The following CLYBL variants were observed in gnomAD, a reference collection of about 807,000 sequenced individuals.
CLYBL encodes the protein citramalyl-CoA lyase.
In CLYBL, 31 loss-of-function variants were observed where a neutral mutation model predicts 38.9. That is an observed-to-expected ratio of 0.80 (90% CI 0.60 to 1.08). CLYBL has a LOEUF of 1.08. Ranked by LOEUF, CLYBL falls within the 50% of genes least tolerant of loss-of-function variation. The pLI is 0.00. For missense variants in CLYBL, 434 were observed against 411.6 expected, an observed-to-expected ratio of 1.05 and a Z score of -0.47; for synonymous variants, 171 against 158.6, an observed-to-expected ratio of 1.08 and a Z score of -0.59.
At chr13:99,770,525 G>A (rs952565823) in intron 1 of CLYBL, among the ~76,000 whole-genome samples, 1 of 152,084 alleles carries the variant, frequency 6.6e-6, no homozygotes, top group African/African-American at 2.4e-5. Flanking sequence ...CACTGTGTTA[G>A]CGAGGATATT....
intron 1 of CLYBL, among the ~76,000 whole-genome samples, chr13:99,735,601 A>C (rs2048654128): frequency 6.6e-6 from 1 of 152,116 alleles, no homozygotes; most frequent in African/African-American, 2.4e-5. Context: ...TTAATTGTAC[A>C]GTTGTGAAAT....
At chr13:99,826,264 A>C (rs906918394) in intron 2 of CLYBL, among the ~76,000 whole-genome samples, 8 of 152,308 alleles carry the variant, frequency 5.3e-5, no homozygotes, top group African/African-American at 1.9e-4. Flanking sequence ...TCCTCTGATT[A>C]GTTGAAGGTC....
At position 99,865,897 on chromosome 13, in the gene CLYBL, G is replaced by A. The variant is rs1209337970; in HGVS notation, c.635-343G>A. Among the ~76,000 whole-genome samples, 1 of 152,190 alleles carries A rather than the reference G, an allele frequency of 6.6e-6. No homozygotes were observed. Among genetic ancestry groups the A allele is most frequent in the African/African-American group, 2.4e-5 (1 of 41,446 alleles). ...CTGCTGGGCCACCCTTTGTGGTGCTGTCTTTGGACTGGCACTTTTCAAGCG... is the reference window on the plus strand; with the variant it reads ...CTGCTGGGCCACCCTTTGTGGTGCTATCTTTGGACTGGCACTTTTCAAGCG... On this transcript the variant is annotated intron_variant, in intron 5 of 8. Coordinates refer to ENST00000339105, the MANE Select transcript of CLYBL (RefSeq NM_206808.5). This position sits in a 1 kb window ranked among gnomAD's most constrained non-coding sequence, Gnocchi z 4.7.
intron 1 of CLYBL, among the ~76,000 whole-genome samples, chr13:99,711,403 C>CTTTTTTTTTTTTTTTTTTTTTTTTTTTTT (rs71215540): frequency 1.2e-5 from 1 of 83,190 alleles, no homozygotes; most frequent in Non-Finnish European, 2.1e-5. Context: ...GGGAGTCCGT[C>CTTTTTTTTTTTTTTTTTTTTTTTTTTTTT]TTTTTTTTTT....
chr13:99,795,425 G>A (rs1157639766), intron 2 of CLYBL, among the ~76,000 whole-genome samples: 1 of 152,104 alleles, frequency 6.6e-6, no homozygotes, highest in Non-Finnish European at 1.5e-5. Flanking sequence ...AGGCTGAGGA[G>A]GGAGGATCAC....
At chr13:99,620,595 A>G (rs2046777978) in intron 1 of CLYBL, among the ~76,000 whole-genome samples, 1 of 152,124 alleles carries the variant, frequency 6.6e-6, no homozygotes, top group South Asian at 2.1e-4. Context: ...GCACAACATG[A>G]TAAAACCCTG....
intron 6 of CLYBL, among the ~76,000 whole-genome samples, chr13:99,867,349 G>A (rs760152088): frequency 6.6e-6 from 1 of 152,150 alleles, no homozygotes; most frequent in Non-Finnish European, 1.5e-5. Flanking sequence ...TCATAAAGCA[G>A]GCTTAAACGT....
rs2138810984 is a variant in CLYBL, at chr13:99,776,021, G to C, written c.249+3011G>C. 1.3e-5 allele frequency among the ~76,000 whole-genome samples: 2 copies of C among 151,902 alleles called. 1 individual carries two copies. The highest frequency in any genetic ancestry group is 3.9e-4 in the East Asian group (2 of 5,130). On this transcript the variant is annotated intron_variant, in intron 2 of 8. Transcript: ENST00000339105. ...TACTAAAAAATACAAAAAATTAGCT[G>C]GGCGTGGTGGCGGGCGCCTGCAGTC...
At chr13:99,776,793 T>A (rs1193952881) in intron 2 of CLYBL, among the ~76,000 whole-genome samples, 1 of 152,150 alleles carries the variant, frequency 6.6e-6, no homozygotes, top group East Asian at 1.9e-4. Flanking sequence ...GGCGCTGTAA[T>A]TTGCATGACA....
At chr13:99,856,777 T>C (rs1364514587) in intron 2 of CLYBL, among the ~76,000 whole-genome samples, 2 of 151,990 alleles carry the variant, frequency 1.3e-5, no homozygotes, top group Non-Finnish European at 2.9e-5. Flanking sequence ...TAGCTGGAAC[T>C]ACAGGTATGT....
At chr13:99,650,564 A>G (rs1257872969) in intron 1 of CLYBL, among the ~76,000 whole-genome samples, 1 of 152,172 alleles carries the variant, frequency 6.6e-6, no homozygotes, top group Non-Finnish European at 1.5e-5. Flanking sequence ...GATTTGGCTC[A>G]GGTACATGTG....
chr13:99,825,972 A>T (rs1208837514), intron 2 of CLYBL, among the ~76,000 whole-genome samples: 1 of 152,210 alleles, frequency 6.6e-6, no homozygotes, highest in African/African-American at 2.4e-5. Context: ...ATCTGCCAGT[A>T]TATCGTAACT....
rs2047016411 is a variant in CLYBL at position 99,636,247 on chromosome 13, G to A, written c.62+29490G>A. 2.6e-5 allele frequency among the ~76,000 whole-genome samples: 4 copies of A among 152,222 alleles called. No individual in the cohort carries two copies. The South Asian group carries it at 8.3e-4, about 31-fold the overall frequency. On this transcript the variant is annotated intron_variant, in intron 1 of 8. Transcript: ENST00000339105. ...GCACCTTTACAAACACTTTACCGCAGTTATGTGAACCTTCATTGCTCACCC... is the reference window on the plus strand; with the variant it reads ...GCACCTTTACAAACACTTTACCGCAATTATGTGAACCTTCATTGCTCACCC...
chr13:99,620,605 G>A (rs1566590503), intron 1 of CLYBL, among the ~76,000 whole-genome samples: 1 of 152,114 alleles, frequency 6.6e-6, no homozygotes, highest in Non-Finnish European at 1.5e-5. Flanking sequence ...ATAAAACCCT[G>A]TCTCTACTAA....
chr13:99,889,129 T>C (rs556901876), intron 7 of CLYBL, among the ~76,000 whole-genome samples: 2 of 152,376 alleles, frequency 1.3e-5, no homozygotes, highest in East Asian at 3.9e-4. Context: ...TTATCTTTGA[T>C]GTGCACATGG....
At chr13:99,620,594 G>A (rs1266518655) in intron 1 of CLYBL, among the ~76,000 whole-genome samples, 2 of 152,204 alleles carry the variant, frequency 1.3e-5, no homozygotes, top group East Asian at 3.9e-4. Flanking sequence ...GGCACAACAT[G>A]ATAAAACCCT....
chr13:99,800,895 A>T (rs2050118912), intron 2 of CLYBL, among the ~76,000 whole-genome samples: 1 of 107,962 alleles, frequency 9.3e-6, no homozygotes, highest in African/African-American at 4.4e-5. Flanking sequence ...CAACAACAAC[A>T]AAAAAAAAAA....
intron 1 of CLYBL, among the ~76,000 whole-genome samples, chr13:99,716,876 C>A (rs1280396196): frequency 6.8e-6 from 1 of 146,014 alleles, no homozygotes; most frequent in African/African-American, 2.6e-5. Flanking sequence ...ACCGCAACCT[C>A]TGCCTCCCAG....
rs1219458078 is a variant in CLYBL at position 99,869,180 on chromosome 13, C to T, written c.803-1758C>T. ...ACCTAACATGTATCTTAAAATTAGC[C>T]TCATTGCCCAAATATAGGTACTGGA... On this transcript the variant is annotated intron_variant, in intron 6 of 8. Coordinates refer to ENST00000339105, the MANE Select transcript of CLYBL (RefSeq NM_206808.5). The surrounding 1 kb of genome is among the most constrained non-coding windows in gnomAD (Gnocchi z 4.3). 2.0e-5 allele frequency among the ~76,000 whole-genome samples: 3 copies of T among 152,130 alleles called. No homozygotes were observed. Among genetic ancestry groups the T allele is most frequent in the Non-Finnish European group, 4.4e-5 (3 of 68,004 alleles).
Sources: allele counts gnomAD v4.1 joint callset (sites outside exome capture counted in the v4.1 genomes callset), GRCh38; gene constraint gnomAD v4.1.1; non-coding constraint Gnocchi (gnomAD v3.1); transcripts MANE v1.5; gene names NCBI Gene and HGNC (gene_info 2026-07-23, HGNC 2026-07-21).